The following C1orf21 variants were observed in gnomAD, a reference collection of about 807,000 sequenced individuals.
C1orf21 encodes chromosome 1 open reading frame 21, also known as uncharacterized protein C1orf21.
A neutral mutation model predicts 18.7 loss-of-function variants in C1orf21; 3 were observed. The ratio of observed to expected loss-of-function variants is 0.16; its 90% CI spans 0.07 to 0.42. The LOEUF is 0.42. C1orf21 is among the 10% of genes least tolerant of loss of function. The pLI, the probability that C1orf21 is intolerant of heterozygous loss-of-function variation, is 0.99. For synonymous variants in C1orf21, 41 were observed against 46.4 expected (o/e 0.88, Z 0.47); for missense variants, 104 against 143.6 (o/e 0.72, Z 1.41).
intron 3 of C1orf21, among the ~76,000 whole-genome samples, chr1:184,581,651 T>TGTTG (rs1659278818): frequency 6.6e-6 from 1 of 152,000 alleles, no homozygotes; most frequent in Admixed American, 6.6e-5. Context: ...TATCATAGCT[T>TGTTG]ATTTTAATTA....
chr1:184,390,817 C>T (rs193123724), intron 1 of C1orf21, among the ~76,000 whole-genome samples: 13 of 152,112 alleles, frequency 8.5e-5, no homozygotes, highest in African/African-American at 1.7e-4. Flanking sequence ...TTAAAAGTCC[C>T]GTAGCATGCA....
In C1orf21 at chr1:184,625,579, C is replaced by G. The variant is rs978179095; in HGVS notation, c.*6023C>G. 9.8e-5 allele frequency: 15 copies of G among 152,500 alleles called. No individual in the cohort carries two copies. The allele number at this position is 152,500 out of a possible 1,614,324, so 9.4% of individuals were successfully genotyped here. On this transcript the variant is annotated 3_prime_UTR_variant, in exon 6 of 6. Coordinates refer to ENST00000235307, the MANE Select transcript of C1orf21 (RefSeq NM_030806.4). ...GCATACATACATATACAGAGAGATA[C>G]GTGGAGAAAGGAAATTTACTCTATC...
chr1:184,540,667 G>A (rs1658634002), intron 3 of C1orf21, among the ~76,000 whole-genome samples: 1 of 152,138 alleles, frequency 6.6e-6, no homozygotes, highest in Non-Finnish European at 1.5e-5. Context: ...CTGACCTCAG[G>A]TGATCTGCCC....
chr1:184,495,674 C>A (rs1657883001), intron 2 of C1orf21, among the ~76,000 whole-genome samples: 1 of 151,986 alleles, frequency 6.6e-6, no homozygotes, highest in African/African-American at 2.4e-5. Flanking sequence ...GTAATTCCAG[C>A]ACTTTGGGAG....
intron 4 of C1orf21, among the ~76,000 whole-genome samples, chr1:184,592,688 A>T (rs1659456544): frequency 6.8e-6 from 1 of 146,190 alleles, no homozygotes; most frequent in African/African-American, 2.5e-5. Context: ...AATCAAAATC[A>T]TAAGCAGAAG....
At chr1:184,531,331 C>T (rs1658459871) in intron 3 of C1orf21, among the ~76,000 whole-genome samples, 1 of 152,120 alleles carries the variant, frequency 6.6e-6, no homozygotes, top group South Asian at 2.1e-4. Flanking sequence ...CTGCCATCTT[C>T]TCTCTCCTTC....
chr1:184,562,877 A>G (rs1658986040), intron 3 of C1orf21, among the ~76,000 whole-genome samples: 1 of 152,230 alleles, frequency 6.6e-6, no homozygotes, highest in Non-Finnish European at 1.5e-5. Flanking sequence ...ATTCCTAATT[A>G]TATAGACTTT....
chr1:184,388,972 T>C (rs998141283), intron 1 of C1orf21, among the ~76,000 whole-genome samples: 3 of 152,340 alleles, frequency 2.0e-5, no homozygotes, highest in East Asian at 3.9e-4. Context: ...TTTGGAAATG[T>C]AATTGTCAGA....
At position 184,423,194 on chromosome 1, in the gene C1orf21, G is replaced by A. The variant is rs534248785; in HGVS notation, c.-125+35826G>A. Among the ~76,000 whole-genome samples, 4 of 152,298 alleles carry A rather than the reference G, an allele frequency of 2.6e-5. No individual in the cohort carries two copies. In the East Asian group the frequency reaches 7.7e-4, roughly 29 times the overall value. On this transcript the variant is annotated intron_variant, in intron 1 of 5. Transcript: ENST00000235307. ...TTGCTGAATAACTGCTGAAAGTCAG[G>A]TACTCTGCTACTTGTTGGAGGTGCA...
chr1:184,588,659 A>C (rs966601836), intron 3 of C1orf21, among the ~76,000 whole-genome samples: 1 of 152,192 alleles, frequency 6.6e-6, no homozygotes, highest in Non-Finnish European at 1.5e-5. Context: ...ATATATATAA[A>C]TATTAGTGAA....
intron 1 of C1orf21, among the ~76,000 whole-genome samples, chr1:184,389,253 G>A (rs1278827076): frequency 1.3e-5 from 2 of 152,072 alleles, no homozygotes; most frequent in African/African-American, 4.8e-5. Context: ...CCTGAGGAGG[G>A]GCGGGGTGCT....
At chr1:184,539,800 A>C (rs1658618811) in intron 3 of C1orf21, among the ~76,000 whole-genome samples, 1 of 152,098 alleles carries the variant, frequency 6.6e-6, no homozygotes. Flanking sequence ...ATGAAATGTG[A>C]GTGGAGGGGA....
intron 1 of C1orf21, among the ~76,000 whole-genome samples, chr1:184,464,380 A>G (rs1286328106): frequency 6.6e-6 from 1 of 152,228 alleles, no homozygotes; most frequent in Non-Finnish European, 1.5e-5. Context: ...TTTGGGAAGA[A>G]CAGCTTACCT....
chr1:184,465,950 C>T (rs1467512801), intron 1 of C1orf21, among the ~76,000 whole-genome samples: 1 of 152,176 alleles, frequency 6.6e-6, no homozygotes, highest in Non-Finnish European at 1.5e-5. Flanking sequence ...CTGCCGTCTC[C>T]TGGTGGTCAG....
chr1:184,528,569 C>T (rs1172487879), intron 3 of C1orf21, among the ~76,000 whole-genome samples: 7 of 152,062 alleles, frequency 4.6e-5, no homozygotes, highest in Admixed American at 1.3e-4. Context: ...CTCAGCCTCC[C>T]GAGGTGCTGA....
intron 5 of C1orf21, among the ~76,000 whole-genome samples, chr1:184,609,183 C>G (rs1260826696): frequency 2.0e-5 from 3 of 152,186 alleles, no homozygotes; most frequent in Non-Finnish European, 4.4e-5. Context: ...CAAACCCAAC[C>G]TCTTCTTTCT....
At chr1:184,548,283 G>A (rs1175911065) in intron 3 of C1orf21, among the ~76,000 whole-genome samples, 1 of 151,518 alleles carries the variant, frequency 6.6e-6, no homozygotes, top group Non-Finnish European at 1.5e-5. Context: ...ACTGTAGTTA[G>A]GGAGCATGGG....
At chr1:184,594,422 A>G (rs1175072003) in intron 4 of C1orf21, among the ~76,000 whole-genome samples, 1 of 152,210 alleles carries the variant, frequency 6.6e-6, no homozygotes, top group African/African-American at 2.4e-5. Context: ...CTACATGTAC[A>G]TGGGAGCCCC....
chr1:184,587,634 A>G (rs369107335), intron 3 of C1orf21, among the ~76,000 whole-genome samples: 1 of 143,448 alleles, frequency 7.0e-6, no homozygotes, highest in Non-Finnish European at 1.5e-5. Context: ...TAGGAGTGCT[A>G]GTGATTTTTG....
Sources: allele counts gnomAD v4.1 joint callset (sites outside exome capture counted in the v4.1 genomes callset), GRCh38; gene constraint gnomAD v4.1.1; transcripts MANE v1.5; gene names NCBI Gene and HGNC (gene_info 2026-07-23, HGNC 2026-07-21).